RPS6KC1: variants seen among roughly 807,000 people sequenced by gnomAD.
RPS6KC1 encodes the protein inactive ribosomal protein S6 kinase delta-1.
RPS6KC1 carries 54 observed loss-of-function variants against 103.8 expected under a neutral mutation model. The observed-to-expected ratio is 0.52, with a 90% CI of 0.42 to 0.65. RPS6KC1 has a LOEUF of 0.65. RPS6KC1 is among the 30% of genes least tolerant of loss of function. RPS6KC1 has a pLI of 0.00. For synonymous variants in RPS6KC1, 439 were observed against 438.7 expected (o/e 1.00, Z -0.01); for missense variants, 1,151 against 1,253.8 (o/e 0.92, Z 1.24).
the RPS6KC1 span, among the ~76,000 whole-genome samples, chr1:213,478,651 G>A: frequency 3.3e-5 from 5 of 152,012 alleles, no homozygotes; most frequent in Admixed American, 6.5e-5. Flanking sequence ...TTTACCATTT[G>A]TGTATCTTCT....
chr1:213,613,808 A>G, the RPS6KC1 span, among the ~76,000 whole-genome samples: 3 of 152,212 alleles, frequency 2.0e-5, no homozygotes, highest in African/African-American at 4.8e-5. Flanking sequence ...TCAATTGCCC[A>G]GGTGGGACTA....
chr1:213,747,198 T>C, the RPS6KC1 span, among the ~76,000 whole-genome samples: 1 of 151,984 alleles, frequency 6.6e-6, no homozygotes, highest in Admixed American at 6.6e-5. Context: ...ACTTGTGAAG[T>C]AGGAGTTTGT....
At chr1:213,555,360 T>A in the RPS6KC1 span, among the ~76,000 whole-genome samples, 5 of 152,266 alleles carry the variant, frequency 3.3e-5, no homozygotes, top group African/African-American at 4.8e-5. Context: ...GTAATGCTGC[T>A]GAAGATATCT....
chr1:213,459,664 C>T, the RPS6KC1 span, among the ~76,000 whole-genome samples: 3 of 152,056 alleles, frequency 2.0e-5, no homozygotes, highest in African/African-American at 7.2e-5. Context: ...TTCTCTAGTT[C>T]TCTTAATTGT....
chr1:213,411,737 G>A, the RPS6KC1 span, among the ~76,000 whole-genome samples: 2 of 152,198 alleles, frequency 1.3e-5, no homozygotes, highest in Non-Finnish European at 1.5e-5. Context: ...GGAGTTCCTG[G>A]GGGCGCTGGG....
At chr1:213,728,571 G>A in the RPS6KC1 span, among the ~76,000 whole-genome samples, 1 of 152,066 alleles carries the variant, frequency 6.6e-6, no homozygotes, top group Admixed American at 6.5e-5. Context: ...GATTATAAGA[G>A]TACCCACTGC....
the RPS6KC1 span, among the ~76,000 whole-genome samples, chr1:213,664,705 C>T: frequency 6.6e-6 from 1 of 152,156 alleles, no homozygotes; most frequent in African/African-American, 2.4e-5. Context: ...CTGCCTGGTC[C>T]ATGTTGCATG....
At chr1:213,613,062 C>T in the RPS6KC1 span, among the ~76,000 whole-genome samples, 1 of 152,176 alleles carries the variant, frequency 6.6e-6, no homozygotes, top group Non-Finnish European at 1.5e-5. Flanking sequence ...GTAACTGACT[C>T]TCTCCCAACT....
chr1:213,511,134 T>C, the RPS6KC1 span, among the ~76,000 whole-genome samples: 9 of 152,136 alleles, frequency 5.9e-5, no homozygotes, highest in Non-Finnish European at 1.3e-4. Context: ...AAAAATCTTG[T>C]ATAAGATTAG....
At chr1:213,211,253 G>T (rs762689265) in intron 8 of RPS6KC1, among the ~76,000 whole-genome samples, 2 of 152,224 alleles carry the variant, frequency 1.3e-5, no homozygotes, top group East Asian at 3.8e-4. Context: ...GGATTGAATG[G>T]CATGAGCCGA....
the RPS6KC1 span, among the ~76,000 whole-genome samples, chr1:213,377,630 A>T: frequency 6.6e-6 from 1 of 152,202 alleles, no homozygotes; most frequent in East Asian, 1.9e-4. Context: ...ATAATACTAA[A>T]TGCCATGACT....
the RPS6KC1 span, among the ~76,000 whole-genome samples, chr1:213,465,834 G>A: frequency 6.6e-6 from 1 of 151,936 alleles, no homozygotes; most frequent in South Asian, 2.1e-4. Flanking sequence ...ACTCTCCTAG[G>A]CCCCTTCCAC....
chr1:213,560,160 C>T, the RPS6KC1 span, among the ~76,000 whole-genome samples: 1 of 152,190 alleles, frequency 6.6e-6, no homozygotes, highest in South Asian at 2.1e-4. Flanking sequence ...CTGATATACA[C>T]ATACCTTCTT....
the RPS6KC1 span, among the ~76,000 whole-genome samples, chr1:213,410,110 A>T: frequency 1.3e-5 from 2 of 152,236 alleles, no homozygotes; most frequent in Middle Eastern, 3.2e-3. Flanking sequence ...AGCTGTGGTC[A>T]TGCCACTGCA....
the RPS6KC1 span, chr1:213,843,365 A>G: frequency 1.3e-5 from 2 of 152,146 alleles, no homozygotes; most frequent in Non-Finnish European, 2.9e-5. Context: ...CAAAACTCCA[A>G]CTGAAGGTGG....
the RPS6KC1 span, among the ~76,000 whole-genome samples, chr1:213,649,786 AG>A: frequency 1.3e-5 from 2 of 152,154 alleles, no homozygotes; most frequent in Non-Finnish European, 2.9e-5. Flanking sequence ...GACTCGTCTC[AG>A]TGACTTGAGT....
At chr1:213,749,796 C>A in the RPS6KC1 span, among the ~76,000 whole-genome samples, 1 of 152,150 alleles carries the variant, frequency 6.6e-6, no homozygotes, top group East Asian at 1.9e-4. Flanking sequence ...CTGCTGGCAT[C>A]CCCAAACTCG....
chr1:213,549,468 G>A, the RPS6KC1 span, among the ~76,000 whole-genome samples: 1 of 152,104 alleles, frequency 6.6e-6, no homozygotes, highest in Admixed American at 6.6e-5. Context: ...GCTAAGGTCA[G>A]TCATTATCAG....
At chr1:213,789,285 C>T in the RPS6KC1 span, among the ~76,000 whole-genome samples, 1 of 152,036 alleles carries the variant, frequency 6.6e-6, no homozygotes, top group Non-Finnish European at 1.5e-5. Flanking sequence ...TGTTCAGCCA[C>T]CCTAACTCCG....
Sources: allele counts gnomAD v4.1 joint callset (sites outside exome capture counted in the v4.1 genomes callset), GRCh38; gene constraint gnomAD v4.1.1; transcripts MANE v1.5; gene names NCBI Gene and HGNC (gene_info 2026-07-23, HGNC 2026-07-21).